The following RPSA2 variants were observed in gnomAD, a reference collection of about 807,000 sequenced individuals.
RPSA2 encodes ribosomal protein SA 2, also known as small ribosomal subunit protein uS2B.
the RPSA2 span, among the ~76,000 whole-genome samples, chr19:23,770,799 C>A: frequency 3.5e-3 from 531 of 152,160 alleles, 5 homozygotes; most frequent in African/African-American, 0.012. Context: ...TAATCAAGCA[C>A]CCATGTGTGG....
chr19:23,795,007 G>T, the RPSA2 span, among the ~76,000 whole-genome samples: 17 of 152,106 alleles, frequency 1.1e-4, no homozygotes, highest in Non-Finnish European at 2.1e-4. Context: ...TTATTTCTGG[G>T]CTCCCTATTC....
the RPSA2 span, among the ~76,000 whole-genome samples, chr19:23,761,050 G>GTGTA: frequency 4.6e-5 from 1 of 21,558 alleles, no homozygotes; most frequent in South Asian, 2.5e-3. Context: ...GGGTATATAT[G>GTGTA]TGTATATATA....
the RPSA2 span, among the ~76,000 whole-genome samples, chr19:23,840,820 G>T: frequency 1.2e-4 from 18 of 151,892 alleles, no homozygotes; most frequent in Non-Finnish European, 1.2e-4. Context: ...AAATTAGCCG[G>T]ACACTGTGGC....
the RPSA2 span, among the ~76,000 whole-genome samples, chr19:23,801,226 G>GC: frequency 6.6e-6 from 1 of 151,802 alleles, no homozygotes; most frequent in Admixed American, 6.6e-5. Context: ...TTTGAGAAAT[G>GC]CAAGTCTTTT....
chr19:23,798,993 TAGAG>T, the RPSA2 span: 1 of 152,192 alleles, frequency 6.6e-6, no homozygotes. Flanking sequence ...GCTAGAAAAT[TAGAG>T]AGCAGCAGAG....
At chr19:23,831,588 T>A in the RPSA2 span, 2 of 165,456 alleles carry the variant, frequency 1.2e-5, no homozygotes, top group African/African-American at 4.8e-5. Flanking sequence ...TTTATTTTTA[T>A]TTTTTTAGGT....
the RPSA2 span, among the ~76,000 whole-genome samples, chr19:23,787,955 A>G: frequency 1.3e-5 from 2 of 152,172 alleles, no homozygotes; most frequent in Non-Finnish European, 2.9e-5. Flanking sequence ...CGTAGGTTAG[A>G]TTGCAATATA....
At chr19:23,797,217 C>T in the RPSA2 span, among the ~76,000 whole-genome samples, 5 of 152,282 alleles carry the variant, frequency 3.3e-5, no homozygotes, top group Admixed American at 2.6e-4. Context: ...TCAAGCGACT[C>T]TCTGGCCTCA....
the RPSA2 span, among the ~76,000 whole-genome samples, chr19:23,856,916 G>A: frequency 3.3e-5 from 5 of 152,230 alleles, no homozygotes; most frequent in African/African-American, 4.8e-5. Context: ...AGCGGTGCAC[G>A]TATTGTCTTG....
the RPSA2 span, among the ~76,000 whole-genome samples, chr19:23,776,743 A>C: frequency 6.6e-6 from 1 of 152,054 alleles, no homozygotes; most frequent in Non-Finnish European, 1.5e-5. Context: ...CAGCATAATG[A>C]TATTACTCTT....
chr19:23,830,686 C>T, the RPSA2 span, among the ~76,000 whole-genome samples: 4 of 151,674 alleles, frequency 2.6e-5, no homozygotes, highest in African/African-American at 9.7e-5. Context: ...TTCTGAATTT[C>T]CATAGTTGTC....
At chr19:23,866,190 G>A in the RPSA2 span, among the ~76,000 whole-genome samples, 1 of 152,190 alleles carries the variant, frequency 6.6e-6, no homozygotes, top group Middle Eastern at 3.2e-3. Flanking sequence ...CCTGAAGAGG[G>A]AGTTACAGTG....
At chr19:23,841,006 A>T in the RPSA2 span, among the ~76,000 whole-genome samples, 1 of 149,136 alleles carries the variant, frequency 6.7e-6, no homozygotes, top group African/African-American at 2.5e-5. Context: ...TGGACATCGT[A>T]TGTGCCTTGA....
the RPSA2 span, among the ~76,000 whole-genome samples, chr19:23,834,994 A>G: frequency 6.6e-6 from 1 of 152,098 alleles, no homozygotes; most frequent in Non-Finnish European, 1.5e-5. Context: ...CAGGAATACA[A>G]AATATGATAA....
the RPSA2 span, among the ~76,000 whole-genome samples, chr19:23,865,018 A>G: frequency 3.3e-5 from 5 of 152,098 alleles, no homozygotes; most frequent in Non-Finnish European, 7.4e-5. Flanking sequence ...TTATTCCTGC[A>G]TTTATCCTCC....
the RPSA2 span, among the ~76,000 whole-genome samples, chr19:23,861,836 T>G: frequency 2.0e-5 from 3 of 152,184 alleles, no homozygotes; most frequent in Non-Finnish European, 4.4e-5. Context: ...ACTTATATTC[T>G]TCCCTTGGTT....
chr19:23,824,826 A>AT, the RPSA2 span, among the ~76,000 whole-genome samples: 6 of 7,546 alleles, frequency 8.0e-4, no homozygotes, highest in Admixed American at 6.3e-3. Flanking sequence ...ATTGGTTAGA[A>AT]ATTTTTTTTT....
chr19:23,822,303 T>C, the RPSA2 span, among the ~76,000 whole-genome samples: 2 of 152,210 alleles, frequency 1.3e-5, no homozygotes, highest in Admixed American at 6.5e-5. Flanking sequence ...GCCCTGAGCA[T>C]ATGCCTGGAC....
At chr19:23,829,743 G>T in the RPSA2 span, among the ~76,000 whole-genome samples, 2 of 152,094 alleles carry the variant, frequency 1.3e-5, no homozygotes, top group Admixed American at 6.6e-5. Flanking sequence ...CCTCAAATTT[G>T]TCATTGATGT....
Sources: gnomAD v4.1 joint callset for allele counts (sites outside exome capture counted in the v4.1 genomes callset) on GRCh38, gnomAD v4.1.1 for gene constraint, MANE v1.5 for transcripts, NCBI Gene and HGNC (gene_info 2026-07-23, HGNC 2026-07-21) for gene names.